KDM4C: variants seen among roughly 807,000 people sequenced by gnomAD.
KDM4C encodes lysine-specific demethylase 4C.
In KDM4C, 81 loss-of-function variants were observed where a neutral mutation model predicts 129.3. The ratio of observed to expected loss-of-function variants is 0.63; its 90% CI spans 0.52 to 0.75. The LOEUF (loss-of-function observed/expected upper bound fraction) is 0.75, where lower values mean the gene tolerates loss of function less well. Among genes scored for constraint, KDM4C ranks in the 30% least tolerant of loss-of-function variants. The pLI is 0.00. For missense variants in KDM4C, 1,457 were observed against 1,304.0 expected (o/e 1.12, Z -1.81); for synonymous variants, 573 against 456.1 (o/e 1.26, Z -3.26).
intron 1 of KDM4C, chr9:6,735,163 C>T: frequency 4.5e-6 from 1 of 223,372 alleles, no homozygotes; most frequent in Non-Finnish European, 8.9e-6. Context: ...CACCCCCCAG[C>T]ATCCCATCAA....
intron 16 of KDM4C, among the ~76,000 whole-genome samples, chr9:7,047,373 T>C (rs998324036): frequency 6.6e-6 from 1 of 152,048 alleles, no homozygotes; most frequent in Non-Finnish European, 1.5e-5. Flanking sequence ...AATGTAAGTG[T>C]ACTAAATTAG....
At chr9:7,136,533 A>G (rs1485741809) in intron 19 of KDM4C, among the ~76,000 whole-genome samples, 1 of 152,246 alleles carries the variant, frequency 6.6e-6, no homozygotes, top group African/African-American at 2.4e-5. Context: ...TAGTGGATGT[A>G]TAGTGTTATT....
chr9:7,024,883 G>C (rs907930256), intron 15 of KDM4C, among the ~76,000 whole-genome samples: 1 of 152,148 alleles, frequency 6.6e-6, no homozygotes, highest in African/African-American at 2.4e-5. Context: ...GGTATTTGTA[G>C]TTCTAGATCC....
intron 15 of KDM4C, among the ~76,000 whole-genome samples, chr9:7,028,635 A>T (rs1033232202): frequency 1.3e-5 from 2 of 152,092 alleles, no homozygotes; most frequent in Admixed American, 6.5e-5. Flanking sequence ...AGCCCAGTCC[A>T]GCACCATGAC....
At chr9:6,909,467 A>G (rs1431332969) in intron 8 of KDM4C, among the ~76,000 whole-genome samples, 1 of 152,208 alleles carries the variant, frequency 6.6e-6, no homozygotes, top group Non-Finnish European at 1.5e-5. Context: ...TAGGAATTTG[A>G]TTTTGTGAAC....
Position 7,135,405 on chromosome 9 carries a change from T to C in KDM4C, c.2781+7169T>C, listed in dbSNP as rs2381567. ...TTTCTTTCCAGGAGAGACTCAGGTA[T>C]AGCATTTCATCTTCAGCCTAAAGAA... is the stretch of plus-strand genomic sequence containing the variant. On this transcript the variant is annotated intron_variant, in intron 19 of 21. Coordinates refer to ENST00000381309, the MANE Select transcript of KDM4C (RefSeq NM_015061.6). 3.7e-4 allele frequency among the ~76,000 whole-genome samples: 56 copies of C among 151,934 alleles called. 1 individual carries two copies. Among genetic ancestry groups the C allele is most frequent in the African/African-American group, 1.1e-3 (47 of 41,328 alleles).
rs1306769034 is a variant in KDM4C, at chr9:6,921,291, A to G, written c.921+28059A>G. The stretch of plus-strand genomic sequence containing the variant: ...CTGGACTTTTCCTTGGAACCCACAA[A>G]CTCCTGCCATGAAATCAAGGCTGAT... On this transcript the variant is annotated intron_variant, in intron 8 of 21. Coordinates refer to ENST00000381309, the MANE Select transcript of KDM4C (RefSeq NM_015061.6). Among the ~76,000 whole-genome samples the G allele has an allele frequency of 4.0e-5, 6 of 150,876 alleles. No individual in the cohort carries two copies. In the East Asian group the frequency reaches 5.9e-4, roughly 15 times the overall value.
At chr9:7,024,754 T>G (rs944680333) in intron 15 of KDM4C, among the ~76,000 whole-genome samples, 7 of 152,248 alleles carry the variant, frequency 4.6e-5, no homozygotes, top group Non-Finnish European at 5.9e-5. Context: ...TTGGGTTGAT[T>G]CCAAGTCTTT....
intron 17 of KDM4C, among the ~76,000 whole-genome samples, chr9:7,060,929 C>T (rs988270436): frequency 6.6e-6 from 1 of 152,176 alleles, no homozygotes; most frequent in Non-Finnish European, 1.5e-5. Context: ...CCCTACTGTC[C>T]TTACTTCCCT....
intron 14 of KDM4C, among the ~76,000 whole-genome samples, chr9:7,015,374 G>C (rs568983872): frequency 2.6e-5 from 4 of 152,104 alleles, no homozygotes; most frequent in Admixed American, 2.6e-4. Flanking sequence ...TGGGTCAGGC[G>C]TGAACTGAAT....
In KDM4C at chr9:6,952,272, C is replaced by T. The variant is rs138884041; in HGVS notation, c.922-28653C>T. 3.2e-3 allele frequency among the ~76,000 whole-genome samples: 485 copies of T among 151,900 alleles called. 2 individuals are homozygous for T. The highest frequency in any genetic ancestry group is 0.01 in the African/African-American group (430 of 41,446). On this transcript the variant is annotated intron_variant, in intron 8 of 21. Transcript: ENST00000381309. Reference sequence around the variant, plus strand: ...AGCAAAGCAAAGCAACCTGATGGTACGCCTATGTCCAAGAGTAAAGGGTTA... The same window carrying T: ...AGCAAAGCAAAGCAACCTGATGGTATGCCTATGTCCAAGAGTAAAGGGTTA...
At chr9:7,050,509 A>C (rs1158037612) in intron 17 of KDM4C, among the ~76,000 whole-genome samples, 1 of 151,656 alleles carries the variant, frequency 6.6e-6, no homozygotes, top group Non-Finnish European at 1.5e-5. Context: ...AAGATATGAT[A>C]TCCAAAAAAA....
chr9:6,823,707 C>G (rs1267396413), intron 4 of KDM4C, among the ~76,000 whole-genome samples: 4 of 152,184 alleles, frequency 2.6e-5, no homozygotes, highest in African/African-American at 9.7e-5. Context: ...GCTATGAGTC[C>G]ACTGCAAAAG....
chr9:7,114,014 G>A (rs1303055523), intron 18 of KDM4C, among the ~76,000 whole-genome samples: 3 of 152,170 alleles, frequency 2.0e-5, no homozygotes, highest in Non-Finnish European at 4.4e-5. Context: ...AAATACTGAT[G>A]TGAGGCCAAA....
chr9:6,723,112 G>T (rs988877764), intron 1 of KDM4C, among the ~76,000 whole-genome samples: 3 of 152,134 alleles, frequency 2.0e-5, no homozygotes, highest in South Asian at 4.1e-4. Flanking sequence ...GTAGATGCTT[G>T]GCTGGGCGCC....
At chr9:6,970,323 C>T (rs959517476) in intron 8 of KDM4C, among the ~76,000 whole-genome samples, 3 of 152,186 alleles carry the variant, frequency 2.0e-5, no homozygotes, top group Non-Finnish European at 4.4e-5. Context: ...CTTCTGCCCT[C>T]CCTCTTGTAG....
chr9:6,842,616 G>T (rs993052709), intron 4 of KDM4C, among the ~76,000 whole-genome samples: 1 of 151,822 alleles, frequency 6.6e-6, no homozygotes, highest in Non-Finnish European at 1.5e-5. Context: ...GATTACGGAC[G>T]TGAGCTACTG....
intron 1 of KDM4C, among the ~76,000 whole-genome samples, chr9:6,788,879 C>G (rs1050460314): frequency 2.0e-5 from 3 of 152,110 alleles, no homozygotes; most frequent in African/African-American, 4.8e-5. Context: ...GGTGAGGAAG[C>G]AGGCAGAGGC....
At chr9:6,866,385 C>G (rs762862205) in intron 5 of KDM4C, among the ~76,000 whole-genome samples, 8 of 152,138 alleles carry the variant, frequency 5.3e-5, no homozygotes, top group Non-Finnish European at 8.8e-5. Flanking sequence ...AGAGTGCCCC[C>G]TGTCCTGAAT....
Sources: allele counts gnomAD v4.1 joint callset (sites outside exome capture counted in the v4.1 genomes callset), GRCh38; gene constraint gnomAD v4.1.1; transcripts MANE v1.5; gene names NCBI Gene and HGNC (gene_info 2026-07-23, HGNC 2026-07-21).